ZNF277: variants seen among roughly 807,000 people sequenced by gnomAD.
ZNF277 encodes zinc finger protein 277.
ZNF277 carries 55 observed loss-of-function variants against 60.7 expected under a neutral mutation model. The observed-to-expected ratio is 0.91, with a 90% CI of 0.73 to 1.13. The LOEUF (loss-of-function observed/expected upper bound fraction) is 1.13, where lower values mean the gene tolerates loss of function less well. ZNF277 is among the 50% of genes most tolerant of loss of function. The pLI, the probability that ZNF277 is intolerant of heterozygous loss-of-function variation, is 0.00. For synonymous variants in ZNF277, 178 were observed against 179.3 expected (o/e 0.99, Z 0.06); for missense variants, 510 against 523.0 (o/e 0.98, Z 0.24).
chr7:112,300,086 A>C (rs951726467), intron 4 of ZNF277, among the ~76,000 whole-genome samples: 1 of 152,190 alleles, frequency 6.6e-6, no homozygotes, highest in Non-Finnish European at 1.5e-5. Flanking sequence ...TTTTAAACAA[A>C]CAGACAAAAC....
chr7:112,238,810 T>TTTTTTTTTTGAGACGGAGTCTCGC (rs1250825265), intron 1 of ZNF277, among the ~76,000 whole-genome samples: 1 of 151,320 alleles, frequency 6.6e-6, no homozygotes, highest in African/African-American at 2.4e-5. Context: ...TTTTTTTTAT[T>TTTTTTTTTTGAGACGGAGTCTCGC]TCAATAGATT....
intron 1 of ZNF277, among the ~76,000 whole-genome samples, chr7:112,220,450 G>A (rs369184726): frequency 1.3e-3 from 195 of 152,116 alleles, no homozygotes; most frequent in African/African-American, 4.4e-3. Context: ...AGGGTTTTCT[G>A]TATATAAGAG....
At chr7:112,317,980 T>C (rs971616790) in intron 4 of ZNF277, among the ~76,000 whole-genome samples, 16 of 152,076 alleles carry the variant, frequency 1.1e-4, no homozygotes, top group Non-Finnish European at 2.2e-4. Context: ...ACATAGCTGT[T>C]AAAGTGGAGT....
chr7:112,262,094 C>G (rs1189560900), intron 1 of ZNF277, among the ~76,000 whole-genome samples: 2 of 151,950 alleles, frequency 1.3e-5, no homozygotes, highest in East Asian at 3.9e-4. Context: ...TTCTATTTCT[C>G]TACAATGAGT....
intron 2 of ZNF277, 47 bp downstream of exon 2, chr7:112,287,121 G>A (rs994185777): frequency 6.3e-7 from 1 of 1,592,218 alleles, no homozygotes; most frequent in Non-Finnish European, 8.6e-7. Context: ...GACCATGTGT[G>A]GTGGCTCATG....
In ZNF277 at chr7:112,221,849, C is replaced by G. The variant is rs542957448; in HGVS notation, c.91+15042C>G. Among the ~76,000 whole-genome samples, 140 of 152,292 alleles carry G rather than the reference C, an allele frequency of 9.2e-4. 2 individuals are homozygous for G. Among genetic ancestry groups the G allele is most frequent in the African/African-American group, 3.3e-3 (137 of 41,574 alleles). On this transcript the variant is annotated intron_variant, in intron 1 of 11. Coordinates refer to ENST00000361822, the MANE Select transcript of ZNF277 (RefSeq NM_021994.3). ...CACAAACCAGTACTGGTTGGGGACT[C>G]CTGATAAATGGCCTTTATTGTGTTG...
At chr7:112,287,894 T>C (rs1467970040) in intron 2 of ZNF277, 1 of 136,176 alleles carries the variant, frequency 7.3e-6, no homozygotes, top group East Asian at 1.9e-4. Context: ...GAATGTCACA[T>C]ACTAATTTAT....
At chr7:112,301,525 TGTA>T (rs1264895366) in intron 4 of ZNF277, among the ~76,000 whole-genome samples, 3 of 152,218 alleles carry the variant, frequency 2.0e-5, no homozygotes, top group Non-Finnish European at 4.4e-5. Context: ...AAGTTTACAC[TGTA>T]GTATAAACAT....
intron 4 of ZNF277, among the ~76,000 whole-genome samples, chr7:112,309,252 C>A (rs1016139533): frequency 2.0e-5 from 3 of 151,822 alleles, no homozygotes; most frequent in African/African-American, 7.3e-5. Flanking sequence ...GCCTCTGTAT[C>A]CATGTGAGAG....
chr7:112,214,475 C>A (rs955225780), intron 1 of ZNF277, among the ~76,000 whole-genome samples: 1 of 152,174 alleles, frequency 6.6e-6, no homozygotes, highest in Non-Finnish European at 1.5e-5. Context: ...GTTCTACTGA[C>A]CTACTTGACC....
chr7:112,250,569 C>T (rs1587117174), intron 1 of ZNF277, among the ~76,000 whole-genome samples: 1 of 152,198 alleles, frequency 6.6e-6, no homozygotes. Flanking sequence ...GGATGCCCGG[C>T]TTTAAAATTT....
At chr7:112,296,673 T>C (rs1199972297) in intron 4 of ZNF277, among the ~76,000 whole-genome samples, 1 of 151,462 alleles carries the variant, frequency 6.6e-6, no homozygotes, top group East Asian at 1.9e-4. Flanking sequence ...TTAACCTTTT[T>C]TTCTCCCCTT....
chr7:112,281,859 G>A (rs1343333925), intron 1 of ZNF277, among the ~76,000 whole-genome samples: 1 of 152,032 alleles, frequency 6.6e-6, no homozygotes, highest in Non-Finnish European at 1.5e-5. Flanking sequence ...TCAAGATGGA[G>A]TCTTGCTCTG....
chr7:112,309,217 C>T (rs747890659), intron 4 of ZNF277, among the ~76,000 whole-genome samples: 20 of 151,886 alleles, frequency 1.3e-4, no homozygotes, highest in Non-Finnish European at 2.8e-4. Context: ...CAAATGTCTC[C>T]TCCTGATGAT....
chr7:112,342,078 T>G (rs977573740), intron 11 of ZNF277, among the ~76,000 whole-genome samples: 3 of 152,176 alleles, frequency 2.0e-5, no homozygotes, highest in African/African-American at 7.2e-5. Context: ...TTCTCAATTA[T>G]TTGAATAATT....
At chr7:112,212,501 A>G (rs1168922835) in intron 1 of ZNF277, among the ~76,000 whole-genome samples, 1 of 152,232 alleles carries the variant, frequency 6.6e-6, no homozygotes, top group Non-Finnish European at 1.5e-5. Context: ...ATTATTTCAT[A>G]TTTATATATT....
chr7:112,276,349 C>A (rs1253791924), intron 1 of ZNF277, among the ~76,000 whole-genome samples: 1 of 152,152 alleles, frequency 6.6e-6, no homozygotes, highest in Non-Finnish European at 1.5e-5. Flanking sequence ...CTCATCTTTG[C>A]TATTGCTTAT....
At chr7:112,271,415 G>A (rs1791666748) in intron 1 of ZNF277, among the ~76,000 whole-genome samples, 1 of 152,162 alleles carries the variant, frequency 6.6e-6, no homozygotes, top group Non-Finnish European at 1.5e-5. Context: ...ACATCATGGA[G>A]ATGGGATTTA....
intron 1 of ZNF277, among the ~76,000 whole-genome samples, chr7:112,234,517 T>C (rs1423009722): frequency 6.6e-6 from 1 of 152,156 alleles, no homozygotes; most frequent in African/African-American, 2.4e-5. Context: ...TCCTACATCC[T>C]ACTATCAGCA....
Sources: allele counts gnomAD v4.1 joint callset (sites outside exome capture counted in the v4.1 genomes callset), GRCh38; gene constraint gnomAD v4.1.1; transcripts MANE v1.5; gene names NCBI Gene and HGNC (gene_info 2026-07-23, HGNC 2026-07-21).